Variants in MACROD2 observed in about 807,000 individuals in gnomAD.
The protein encoded by MACROD2 is mono-ADP ribosylhydrolase 2.
MACROD2 carries 36 observed loss-of-function variants against 70.4 expected under a neutral mutation model. The ratio of observed to expected loss-of-function variants is 0.51; its 90% CI spans 0.39 to 0.68. The LOEUF is 0.68. Among genes scored for constraint, MACROD2 ranks in the 30% least tolerant of loss-of-function variants. The pLI, the probability that MACROD2 is intolerant of heterozygous loss-of-function variation, is 0.00. For synonymous variants in MACROD2, 172 were observed against 178.8 expected (o/e 0.96, Z 0.30); for missense variants, 496 against 538.4 (o/e 0.92, Z 0.78).
intron 3 of MACROD2, among the ~76,000 whole-genome samples, chr20:14,215,488 C>T (rs184307773): frequency 3.9e-5 from 6 of 151,918 alleles, no homozygotes; most frequent in South Asian, 4.1e-4. Flanking sequence ...GTATCTTTTT[C>T]GAATAATGAC....
At chr20:15,869,238 T>TATAGAGAGAGAGAGAGAGAGAGAGAG in intron 9 of MACROD2, among the ~76,000 whole-genome samples, 7 of 28,300 alleles carry the variant, frequency 2.5e-4, no homozygotes, top group African/African-American at 5.9e-4. Context: ...TATATATATA[T>TATAGAGAGAGAGAGAGAGAGAGAGAG]AGAGAGAGAG....
intron 8 of MACROD2, among the ~76,000 whole-genome samples, chr20:15,565,785 G>T (rs1409559771): frequency 6.6e-6 from 1 of 152,092 alleles, no homozygotes; most frequent in Non-Finnish European, 1.5e-5. Flanking sequence ...ACGCGGTCTG[G>T]CTGTATTGCC....
At chr20:15,719,924 C>T (rs1318037653) in intron 8 of MACROD2, among the ~76,000 whole-genome samples, 2 of 151,874 alleles carry the variant, frequency 1.3e-5, no homozygotes, top group Admixed American at 1.3e-4. Context: ...AACTTTGTAC[C>T]CATTGACCAT....
At chr20:14,346,250 T>C (rs950932562) in intron 3 of MACROD2, among the ~76,000 whole-genome samples, 1 of 152,144 alleles carries the variant, frequency 6.6e-6, no homozygotes, top group Non-Finnish European at 1.5e-5. Flanking sequence ...AGATAAATTT[T>C]TAATCCATAT....
intron 3 of MACROD2, among the ~76,000 whole-genome samples, chr20:14,109,237 G>A (rs2054414261): frequency 6.6e-6 from 1 of 151,776 alleles, no homozygotes; most frequent in Non-Finnish European, 1.5e-5. Flanking sequence ...GAGACAAAAT[G>A]TACCAAAACC....
At chr20:15,519,211 C>T (rs1311267883) in intron 8 of MACROD2, among the ~76,000 whole-genome samples, 1 of 152,046 alleles carries the variant, frequency 6.6e-6, no homozygotes, top group East Asian at 1.9e-4. Context: ...CCTGGGTTCA[C>T]ACCATTCTCC....
chr20:15,106,177 T>C (rs1387696473), intron 5 of MACROD2, among the ~76,000 whole-genome samples: 1 of 152,172 alleles, frequency 6.6e-6, no homozygotes, highest in Non-Finnish European at 1.5e-5. Context: ...GCCCATAATC[T>C]CACCTTTATA....
intron 5 of MACROD2, among the ~76,000 whole-genome samples, chr20:15,180,343 C>T (rs889814003): frequency 5.3e-5 from 8 of 152,164 alleles, no homozygotes; most frequent in Non-Finnish European, 7.3e-5. Flanking sequence ...TAATTGAATT[C>T]GTAGAAATTT....
intron 3 of MACROD2, among the ~76,000 whole-genome samples, chr20:14,384,254 T>C (rs1268558649): frequency 2.6e-5 from 4 of 152,128 alleles, no homozygotes; most frequent in East Asian, 1.9e-4. Flanking sequence ...GGAAATGAGT[T>C]TTTTATTCTT....
At chr20:14,520,975 G>GCACGCACA (rs386393384) in intron 4 of MACROD2, among the ~76,000 whole-genome samples, 1 of 150,856 alleles carries the variant, frequency 6.6e-6, no homozygotes, top group Non-Finnish European at 1.5e-5. Context: ...ACACACACAC[G>GCACGCACA]CACACACACA....
At chr20:15,951,272 T>A (rs1458088896) in intron 12 of MACROD2, among the ~76,000 whole-genome samples, 1 of 150,794 alleles carries the variant, frequency 6.6e-6, no homozygotes, top group African/African-American at 2.4e-5. Flanking sequence ...TGTCAGCTAT[T>A]CTGCCACTGT....
intron 7 of MACROD2, among the ~76,000 whole-genome samples, chr20:15,466,953 T>C (rs1392239348): frequency 6.6e-5 from 10 of 152,264 alleles, no homozygotes; most frequent in Admixed American, 6.5e-4. Context: ...AATTTGCAGC[T>C]ATTTATTGCA....
At chr20:15,424,544 C>T (rs368551203) in intron 6 of MACROD2, among the ~76,000 whole-genome samples, 34 of 152,172 alleles carry the variant, frequency 2.2e-4, no homozygotes, top group African/African-American at 7.9e-4. Flanking sequence ...ATAGTGAGAC[C>T]TCGTCTCTAC....
chr20:15,880,495 G>A (rs1371785690), intron 9 of MACROD2, among the ~76,000 whole-genome samples: 2 of 151,724 alleles, frequency 1.3e-5, no homozygotes, highest in African/African-American at 4.8e-5. Flanking sequence ...TAGGGAAGTG[G>A]GGAAGTGAGA....
At chr20:15,748,763 C>G (rs17704466) in intron 8 of MACROD2, among the ~76,000 whole-genome samples, 17,248 of 152,074 alleles carry the variant, frequency 0.11, 1,109 homozygotes, top group Admixed American at 0.14. Flanking sequence ...GAAGTCTGAT[C>G]TGAATAAATT....
intron 4 of MACROD2, among the ~76,000 whole-genome samples, chr20:14,609,787 C>T (rs776943128): frequency 1.2e-4 from 19 of 152,070 alleles, no homozygotes; most frequent in Non-Finnish European, 2.2e-4. Context: ...ATCATTAACT[C>T]ATGAAGATAA....
At chr20:15,887,697 C>T (rs967528672) in intron 10 of MACROD2, among the ~76,000 whole-genome samples, 1 of 152,066 alleles carries the variant, frequency 6.6e-6, no homozygotes, top group Non-Finnish European at 1.5e-5. Context: ...AAATGTGAGC[C>T]TAATGTATAA....
intron 3 of MACROD2, among the ~76,000 whole-genome samples, chr20:14,302,310 T>C (rs2082481623): frequency 6.6e-6 from 1 of 152,228 alleles, no homozygotes; most frequent in African/African-American, 2.4e-5. Flanking sequence ...TTTAGCGTCA[T>C]GCAGCCCTCT....
chr20:14,557,730 G>A (rs1305769400), intron 4 of MACROD2, among the ~76,000 whole-genome samples: 1 of 151,794 alleles, frequency 6.6e-6, no homozygotes, highest in Non-Finnish European at 1.5e-5. Flanking sequence ...AATAAGAATT[G>A]TTGACCAAGA....
Sources: gnomAD v4.1 joint callset for allele counts (sites outside exome capture counted in the v4.1 genomes callset) on GRCh38, gnomAD v4.1.1 for gene constraint, MANE v1.5 for transcripts, NCBI Gene and HGNC (gene_info 2026-07-23, HGNC 2026-07-21) for gene names.